PALLD: variants seen among roughly 807,000 people sequenced by gnomAD.
PALLD encodes palladin.
In PALLD, 61 loss-of-function variants were observed where a neutral mutation model predicts 123.5. That is an observed-to-expected ratio of 0.49 (90% CI 0.40 to 0.61). The LOEUF (loss-of-function observed/expected upper bound fraction) is 0.61. Ranked by LOEUF, PALLD falls within the 20% of genes least tolerant of loss-of-function variation. PALLD has a pLI of 0.00. For missense variants in PALLD, 1,273 were observed against 1,377.0 expected, an observed-to-expected ratio of 0.92 and a Z score of 1.20; for synonymous variants, 465 against 496.4, an observed-to-expected ratio of 0.94 and a Z score of 0.84.
intron 10 of PALLD, among the ~76,000 whole-genome samples, chr4:168,801,970 C>T (rs1326688795): frequency 6.6e-6 from 1 of 152,122 alleles, no homozygotes; most frequent in Admixed American, 6.6e-5. Flanking sequence ...GCAAGATAGG[C>T]TGAGAAAAGT....
At chr4:168,572,540 T>A (rs1769103187) in intron 2 of PALLD, among the ~76,000 whole-genome samples, 1 of 152,012 alleles carries the variant, frequency 6.6e-6, no homozygotes, top group African/African-American at 2.4e-5. Context: ...GTGTGGACGT[T>A]TAATAGGCCT....
chr4:168,540,958 G>T (rs1580212903), intron 2 of PALLD, among the ~76,000 whole-genome samples: 1 of 152,170 alleles, frequency 6.6e-6, no homozygotes, highest in Admixed American at 6.5e-5. Flanking sequence ...TTGTGGAAGG[G>T]TTATAGATAT....
chr4:168,604,922 G>T (rs1460445630), intron 2 of PALLD, among the ~76,000 whole-genome samples: 3 of 152,172 alleles, frequency 2.0e-5, no homozygotes, highest in African/African-American at 7.2e-5. Flanking sequence ...CTATTACATT[G>T]GTCAAAGGAT....
chr4:168,684,456 C>G (rs1050875915), intron 5 of PALLD, among the ~76,000 whole-genome samples: 1 of 152,152 alleles, frequency 6.6e-6, no homozygotes, highest in Admixed American at 6.5e-5. Flanking sequence ...CTATCACTTC[C>G]TAACGGAGGG....
chr4:168,696,434 A>C (rs905844866), intron 8 of PALLD, among the ~76,000 whole-genome samples: 3 of 152,112 alleles, frequency 2.0e-5, no homozygotes, highest in African/African-American at 7.2e-5. Context: ...GGAAGGCCAA[A>C]GTGGATAAGT....
At chr4:168,719,520 C>A (rs531954307) in intron 10 of PALLD, among the ~76,000 whole-genome samples, 69 of 152,084 alleles carry the variant, frequency 4.5e-4, no homozygotes, top group Non-Finnish European at 8.7e-4. Flanking sequence ...TTGGCCTCCT[C>A]AAGTGCTAGG....
chr4:168,666,847 A>G (rs1184914399), intron 2 of PALLD, among the ~76,000 whole-genome samples: 1 of 152,050 alleles, frequency 6.6e-6, no homozygotes, highest in Non-Finnish European at 1.5e-5. Flanking sequence ...AAGATAACAG[A>G]AAAAAAAGAA....
At chr4:168,864,564 G>A (rs774956204) in intron 10 of PALLD, 1 of 152,122 alleles carries the variant, frequency 6.6e-6, no homozygotes, top group Non-Finnish European at 1.5e-5. Context: ...ACATACTTCA[G>A]TGGCTTTTTC....
intron 10 of PALLD, among the ~76,000 whole-genome samples, chr4:168,814,282 A>G (rs1193397424): frequency 2.8e-4 from 43 of 152,322 alleles, no homozygotes; most frequent in Admixed American, 2.8e-3. Flanking sequence ...AGATTTGGGG[A>G]AATTATTTGA....
chr4:168,878,435 C>T (rs1189656616), intron 10 of PALLD: 1 of 1,414,956 alleles, frequency 7.1e-7, no homozygotes, highest in Non-Finnish European at 9.3e-7. Flanking sequence ...TGCCCCTCCG[C>T]CTCGGGTCGC....
chr4:168,719,940 A>G (rs971420629), intron 10 of PALLD, among the ~76,000 whole-genome samples: 1 of 152,206 alleles, frequency 6.6e-6, no homozygotes. Flanking sequence ...ATAGTATTCC[A>G]TTGTGTATAT....
At position 168,639,839 on chromosome 4, in the gene PALLD, C is replaced by T. The variant is rs111681603; in HGVS notation, c.909-28351C>T. Reference sequence around the variant, plus strand: ...GATTATAGGCGTGAGCCACCGTGCCCGGCCTGCCACTCAACTTTAATTTGT... The same window carrying T: ...GATTATAGGCGTGAGCCACCGTGCCTGGCCTGCCACTCAACTTTAATTTGT... On this transcript the variant is annotated intron_variant, in intron 2 of 21. Coordinates refer to ENST00000505667, the MANE Select transcript of PALLD (RefSeq NM_001166108.2). 2.0e-3 allele frequency among the ~76,000 whole-genome samples: 300 copies of T among 152,266 alleles called. 2 individuals are homozygous for T. The highest frequency in any genetic ancestry group is 0.017 in the Middle Eastern group (5 of 294).
At chr4:168,834,783 C>T (rs1164798033) in intron 10 of PALLD, among the ~76,000 whole-genome samples, 1 of 152,128 alleles carries the variant, frequency 6.6e-6, no homozygotes, top group Non-Finnish European at 1.5e-5. Context: ...TGTACTTGAT[C>T]TTCAGAATTT....
At chr4:168,841,043 G>A (rs1745963431) in intron 10 of PALLD, among the ~76,000 whole-genome samples, 1 of 152,102 alleles carries the variant, frequency 6.6e-6, no homozygotes, top group African/African-American at 2.4e-5. Flanking sequence ...TAGAGATGGA[G>A]TTTTACCATG....
chr4:168,777,108 A>G (rs1451394994), intron 10 of PALLD, among the ~76,000 whole-genome samples: 1 of 149,316 alleles, frequency 6.7e-6, no homozygotes, highest in Non-Finnish European at 1.5e-5. Context: ...ACATATACAC[A>G]CACACACACA....
intron 2 of PALLD, among the ~76,000 whole-genome samples, chr4:168,642,086 C>T (rs1777016810): frequency 2.6e-5 from 4 of 152,144 alleles, no homozygotes; most frequent in Admixed American, 2.6e-4. Context: ...CTCTCTACTC[C>T]CAGGGCACTT....
At chr4:168,852,360 T>C (rs1246750754) in intron 10 of PALLD, among the ~76,000 whole-genome samples, 2 of 151,994 alleles carry the variant, frequency 1.3e-5, no homozygotes, top group African/African-American at 4.8e-5. Context: ...GCACCCAACA[T>C]GTAGTAAAAG....
intron 10 of PALLD, among the ~76,000 whole-genome samples, chr4:168,712,949 AC>A (rs1247374296): frequency 6.6e-5 from 10 of 152,214 alleles, no homozygotes; most frequent in Admixed American, 6.5e-5. Flanking sequence ...ATAACACCTT[AC>A]CTTTGTACAT....
intron 5 of PALLD, among the ~76,000 whole-genome samples, chr4:168,684,503 T>C (rs1781843847): frequency 6.6e-6 from 1 of 152,174 alleles, no homozygotes; most frequent in African/African-American, 2.4e-5. Context: ...TCAAGCCGAG[T>C]TTCTTCATCT....
Sources: gnomAD v4.1 joint callset for allele counts (sites outside exome capture counted in the v4.1 genomes callset) on GRCh38, gnomAD v4.1.1 for gene constraint, MANE v1.5 for transcripts, NCBI Gene and HGNC (gene_info 2026-07-23, HGNC 2026-07-21) for gene names.